Variants in STAB2 observed in about 807,000 individuals in gnomAD.
STAB2 encodes the protein stabilin-2.
A neutral mutation model predicts 338.1 loss-of-function variants in STAB2; 288 were observed. The ratio of observed to expected loss-of-function variants is 0.85; its 90% CI spans 0.77 to 0.94. The LOEUF (loss-of-function observed/expected upper bound fraction) is 0.94, where lower values mean the gene tolerates loss of function less well. Among genes scored for constraint, STAB2 ranks in the 40% least tolerant of loss-of-function variants. The pLI, the probability that STAB2 is intolerant of heterozygous loss-of-function variation, is 0.00. For synonymous variants in STAB2, 1,202 were observed against 1,193.3 expected (o/e 1.01, Z -0.15); for missense variants, 3,141 against 3,210.1 (o/e 0.98, Z 0.52).
At chr12:103,609,786 C>T (rs1593136614) in intron 3 of STAB2, among the ~76,000 whole-genome samples, 2 of 152,192 alleles carry the variant, frequency 1.3e-5, no homozygotes, top group African/African-American at 2.4e-5. Flanking sequence ...GGGAATGCTT[C>T]CAGTTTTTGC....
chr12:103,665,195 A>G (rs538910612), intron 18 of STAB2, among the ~76,000 whole-genome samples: 1 of 152,360 alleles, frequency 6.6e-6, no homozygotes, highest in South Asian at 2.1e-4. Context: ...AAAAGTCCAA[A>G]TGCATTCTCT....
At chr12:103,726,337 A>G (rs538604970) in intron 46 of STAB2, among the ~76,000 whole-genome samples, 174 bp downstream of exon 46, 225 of 152,290 alleles carry the variant, frequency 1.5e-3, no homozygotes, top group Middle Eastern at 6.8e-3. Context: ...AAAAATACAA[A>G]AAAGATTAGC....
At chr12:103,693,542 A>G (rs703652) in intron 31 of STAB2, among the ~76,000 whole-genome samples, 68,615 of 151,976 alleles carry the variant, frequency 0.45, 15,511 homozygotes, top group East Asian at 0.53. Flanking sequence ...ATGTGATTAC[A>G]TATCATTTTT....
chr12:103,718,622 A>G lies in STAB2; in HGVS notation c.4683+781A>G, dbSNP rs545164160. On this transcript the variant is annotated intron_variant, in intron 44 of 68. Transcript: ENST00000388887. ...AAGTCCAAGCAGTAGGACTAGGACC[A>G]GCGGATGGACATTAGAAGAAAACAG... Among the ~76,000 whole-genome samples the G allele has an allele frequency of 5.9e-5, 9 of 152,366 alleles. No homozygotes were observed. The South Asian group carries it at 6.2e-4, about 11-fold the overall frequency.
intron 52 of STAB2, 26 bp downstream of exon 52, chr12:103,735,606 A>AG: frequency 1.9e-6 from 1 of 529,332 alleles, no homozygotes. Context: ...AAGGGTGGGC[A>AG]GGGAGGGGTT....
intron 67 of STAB2, 161 bp from the exon 68 acceptor site, chr12:103,763,331 G>C: frequency 1.5e-6 from 1 of 649,568 alleles, no homozygotes; most frequent in Middle Eastern, 4.4e-4. Context: ...TGAATCTAAA[G>C]GTTGGTAAAT....
chr12:103,700,472 A>G (rs1406279385), intron 34 of STAB2, among the ~76,000 whole-genome samples: 1 of 152,244 alleles, frequency 6.6e-6, no homozygotes, highest in African/African-American at 2.4e-5. Context: ...TGGGGAAAAA[A>G]GTCTTTCTGA....
In STAB2 at chr12:103,766,568, AGCTGG is replaced by A; in HGVS notation, c.*233_*237del. 1 of 516,604 alleles carries A rather than the reference AGCTGG, an allele frequency of 1.9e-6. No individual in the cohort carries two copies. Among genetic ancestry groups the A allele is most frequent in the Non-Finnish European group, 3.5e-6 (1 of 286,272 alleles). The allele number at this position is 516,604 out of a possible 1,614,324, so 32.0% of individuals were successfully genotyped here. On this transcript the variant is annotated 3_prime_UTR_variant, in exon 69 of 69. Transcript: ENST00000388887. Reference sequence around the variant, plus strand: ...TGGCTCTTCTTCCTTTGTACTCTTCAGCTGGCACCTGCTCCATTCTGCCCTACATG... The same window carrying A: ...TGGCTCTTCTTCCTTTGTACTCTTCACACCTGCTCCATTCTGCCCTACATG...
chr12:103,721,800 G>A (rs940554889), intron 44 of STAB2, among the ~76,000 whole-genome samples: 1 of 152,210 alleles, frequency 6.6e-6, no homozygotes, highest in Non-Finnish European at 1.5e-5. Context: ...GACCAGCTTG[G>A]AGAGAGAGGG....
Position 103,766,298 on chromosome 12 carries a change from CG to C in STAB2, c.7620del (p.Gln2541SerfsTer8). ...SYDPFTDSEE[R>X]QLEGNDPLRT... is the part of the protein sequence containing the mutation. ...CTCTCTTTTCCAGGACTCTGAAGAA[CG>C]GCAGCTTGAGGGCAATGACCCCTTG... On this transcript the variant is annotated frameshift_variant, in exon 69 of 69. Coordinates refer to ENST00000388887, the MANE Select transcript of STAB2 (RefSeq NM_017564.10). LOFTEE classifies it high-confidence loss of function. The C allele has an allele frequency of 6.2e-7, 1 of 1,614,090 alleles. No homozygotes were observed. Among genetic ancestry groups the C allele is most frequent in the South Asian group, 1.1e-5 (1 of 91,078 alleles).
intron 8 of STAB2, 130 bp downstream of exon 8, chr12:103,638,342 C>A: frequency 2.0e-6 from 2 of 1,023,524 alleles, no homozygotes; most frequent in Non-Finnish European, 2.8e-6. Context: ...CCCCTCCAGA[C>A]AGTCCTCCAT....
rs190472973 is a variant in STAB2 at position 103,673,685 on chromosome 12, G to A, written c.2372-222G>A. Among the ~76,000 whole-genome samples, 4 of 152,260 alleles carry A rather than the reference G, an allele frequency of 2.6e-5. No homozygotes were observed. The East Asian group carries it at 7.7e-4, about 29-fold the overall frequency. On this transcript the variant is annotated intron_variant, in intron 22 of 68. Transcript: ENST00000388887. ...CTGAGACCAAGTTCTTCCCCTCCTG[G>A]GTGGGACAAGCAAGCTCTCCAGGGC...
intron 19 of STAB2, among the ~76,000 whole-genome samples, chr12:103,668,053 G>A (rs831429): frequency 0.72 from 109,858 of 152,084 alleles, 40,417 homozygotes; most frequent in East Asian, 1. Context: ...AATGGCATGA[G>A]AAACATCCAC....
At chr12:103,748,743 C>T (rs886602136) in intron 58 of STAB2, among the ~76,000 whole-genome samples, 4 of 151,926 alleles carry the variant, frequency 2.6e-5, no homozygotes, top group East Asian at 1.9e-4. Context: ...GGGGCAGAAG[C>T]GGACAGATGT....
chr12:103,685,139 T>G (rs943186218), intron 27 of STAB2, 55 bp downstream of exon 27: 2 of 1,512,386 alleles, frequency 1.3e-6, no homozygotes, highest in Non-Finnish European at 1.8e-6. Context: ...AAAAACCTCT[T>G]AGCTAAGATG....
chr12:103,648,820 C>T lies in STAB2; in HGVS notation c.1171C>T (p.Leu391=). The change falls in exon 10 of 69, where the codon CTA becomes TTA. Residue 391 remains leucine, a synonymous_variant. Transcript: ENST00000388887. ...QGRLTSFISL[L]DKAYAWPLSK... ...AAGGCTGACCTCTTTCATCTCACTCCTAGGTACGCAGCTATGGGTACAGAT... is the reference window on the plus strand; with the variant it reads ...AAGGCTGACCTCTTTCATCTCACTCTTAGGTACGCAGCTATGGGTACAGAT... 6.2e-7 allele frequency: 1 copy of T among 1,613,684 alleles called. No homozygotes were observed. The highest frequency in any genetic ancestry group is 2.2e-5 in the East Asian group (1 of 44,872).
chr12:103,697,973 G>A (rs1182593079), intron 33 of STAB2, among the ~76,000 whole-genome samples: 1 of 152,184 alleles, frequency 6.6e-6, no homozygotes, highest in Non-Finnish European at 1.5e-5. Flanking sequence ...GGCATTGCCT[G>A]GCTGGTGTCT....
chr12:103,737,734 C>T lies in STAB2; in HGVS notation c.5651C>T (p.Pro1884Leu). 1 of 1,613,880 alleles carries T rather than the reference C, an allele frequency of 6.2e-7. No individual in the cohort carries two copies. Among genetic ancestry groups the T allele is most frequent in the Non-Finnish European group, 8.5e-7 (1 of 1,179,998 alleles). ...AYGIDCLLID[P>L]TLGGRCDTFT... is the part of the protein sequence containing the mutation. ...GGCATTGACTGTCTGCTGATTGATCCCACCCTGGGGGGCCGCTGTGACACC... is the reference window on the plus strand; with the variant it reads ...GGCATTGACTGTCTGCTGATTGATCTCACCCTGGGGGGCCGCTGTGACACC... Residue 1884 changes from proline (P) to leucine (L), a missense_variant, in exon 53 of 69, where the codon CCC becomes CTC. Physicochemically the swap from Pro to Leu is moderately conservative, Grantham distance 98 (BLOSUM62 -3). Transcript: ENST00000388887.
chr12:103,710,982 CA>C (rs1879800860), intron 39 of STAB2, among the ~76,000 whole-genome samples: 1 of 152,148 alleles, frequency 6.6e-6, no homozygotes, highest in African/African-American at 2.4e-5. Context: ...CTGCTGTGTG[CA>C]AAGCCCTGAT....
Sources: allele counts gnomAD v4.1 joint callset (sites outside exome capture counted in the v4.1 genomes callset), GRCh38; gene constraint gnomAD v4.1.1; transcripts MANE v1.5; gene names NCBI Gene and HGNC (gene_info 2026-07-23, HGNC 2026-07-21).